Variants in SLC13A1 observed in about 807,000 individuals in gnomAD.
SLC13A1 encodes the protein solute carrier family 13 member 1.
A neutral mutation model predicts 70.0 loss-of-function variants in SLC13A1; 65 were observed. That is an observed-to-expected ratio of 0.93 (90% confidence interval 0.76 to 1.14). SLC13A1 has a LOEUF of 1.14. Among genes scored for constraint, SLC13A1 ranks in the 50% most tolerant of loss-of-function variants. SLC13A1 has a pLI of 0.00. For missense variants in SLC13A1, 726 were observed against 717.8 expected (o/e 1.01, Z -0.13); for synonymous variants, 275 against 250.5 (o/e 1.10, Z -0.92).
Position 123,113,630 on chromosome 7 carries a change from A to G in SLC13A1, c.*1888T>C, listed in dbSNP as rs944752109. 3 of 152,196 alleles carry G rather than the reference A, an allele frequency of 2.0e-5. No homozygotes were observed. Among genetic ancestry groups the G allele is most frequent in the African/African-American group, 7.2e-5 (3 of 41,458 alleles). 9.4% of individuals were successfully genotyped at this position (152,196 alleles called of 1,614,324 possible). A position where few individuals can be genotyped will look rare whatever the true frequency, so the allele number is the denominator to read the frequency against. ...AATTGAATGACTAGAAAAAAGCAGAAATGTAATAAATACTACAGATTATAA... is the reference window on the plus strand; with the variant it reads ...AATTGAATGACTAGAAAAAAGCAGAGATGTAATAAATACTACAGATTATAA... On this transcript the variant is annotated 3_prime_UTR_variant, in exon 15 of 15. Transcript: ENST00000194130.
chr7:123,178,033 C>CTCTCTCTCTCTCTCTCTCTATA (rs761704605), intron 2 of SLC13A1, among the ~76,000 whole-genome samples: 15 of 150,042 alleles, frequency 1.0e-4, no homozygotes, highest in African/African-American at 3.7e-4. Context: ...CTCTCTCTCT[C>CTCTCTCTCTCTCTCTCTCTATA]TATATATATA....
At chr7:123,182,160 T>C (rs1795661120) in intron 1 of SLC13A1, among the ~76,000 whole-genome samples, 1 of 152,198 alleles carries the variant, frequency 6.6e-6, no homozygotes, top group African/African-American at 2.4e-5. Flanking sequence ...TTCTACCATC[T>C]TGATAAACAA....
intron 2 of SLC13A1, among the ~76,000 whole-genome samples, chr7:123,172,855 A>C (rs1360583651): frequency 6.6e-6 from 1 of 152,118 alleles, no homozygotes; most frequent in Non-Finnish European, 1.5e-5. Flanking sequence ...ACATACTAGA[A>C]CTTTCTCTCC....
At chr7:123,183,857 T>A (rs1795713925) in intron 1 of SLC13A1, among the ~76,000 whole-genome samples, 1 of 152,194 alleles carries the variant, frequency 6.6e-6, no homozygotes, top group Non-Finnish European at 1.5e-5. Context: ...CCTGGATTCA[T>A]AACCCATTTG....
At chr7:123,129,655 C>CT (rs1793689017) in intron 8 of SLC13A1, among the ~76,000 whole-genome samples, 174 bp from the exon 9 acceptor site, 1 of 152,062 alleles carries the variant, frequency 6.6e-6, no homozygotes, top group Admixed American at 6.6e-5. Context: ...CCTCCACCTC[C>CT]TTTTTTGAAT....
chr7:123,114,449 ATTTGAT>A lies in SLC13A1; in HGVS notation c.*1063_*1068del, dbSNP rs1258029695. The stretch of plus-strand genomic sequence containing the variant: ...TTAAATGTTTAGTTTTTTCTTTTTG[ATTTGAT>A]TTTAAATCATTTATTTTTCTGTTTT... On this transcript the variant is annotated 3_prime_UTR_variant, in exon 15 of 15. Transcript: ENST00000194130. 6.6e-6 allele frequency: 1 copy of A among 151,580 alleles called. No individual in the cohort carries two copies. Among genetic ancestry groups the A allele is most frequent in the African/African-American group, 2.4e-5 (1 of 41,236 alleles). 9.4% of individuals were successfully genotyped at this position (151,580 alleles called of 1,614,324 possible).
chr7:123,181,112 C>T lies in SLC13A1; in HGVS notation c.100-11G>A. 2 of 1,609,108 alleles carry T rather than the reference C, an allele frequency of 1.2e-6. No individual in the cohort carries two copies. The highest frequency in any genetic ancestry group is 1.7e-6 in the Non-Finnish European group (2 of 1,177,312). ...GGCACATTCTGCTTCCTGGTAAGAACAAATGCAAAGCAAAAGGTGATATTA... is the reference window on the plus strand; with the variant it reads ...GGCACATTCTGCTTCCTGGTAAGAATAAATGCAAAGCAAAAGGTGATATTA... On this transcript the variant is annotated splice_polypyrimidine_tract_variant and intron_variant, in intron 1 of 14. Coordinates refer to ENST00000194130, the MANE Select transcript of SLC13A1 (RefSeq NM_022444.4).
chr7:123,135,358 T>C (rs544428858), intron 7 of SLC13A1, among the ~76,000 whole-genome samples: 1 of 152,282 alleles, frequency 6.6e-6, no homozygotes, highest in Non-Finnish European at 1.5e-5. Flanking sequence ...TCTTATATAG[T>C]CATTTATTTT....
chr7:123,167,377 C>A (rs1795111595), intron 6 of SLC13A1, among the ~76,000 whole-genome samples: 1 of 152,120 alleles, frequency 6.6e-6, no homozygotes, highest in Admixed American at 6.6e-5. Flanking sequence ...TATTCTGTAG[C>A]TAATGGCTTA....
chr7:123,146,108 C>T (rs1794340698), intron 7 of SLC13A1, among the ~76,000 whole-genome samples: 1 of 152,158 alleles, frequency 6.6e-6, no homozygotes, highest in Non-Finnish European at 1.5e-5. Context: ...ATGATACTTA[C>T]ATAGCGCAAA....
intron 4 of SLC13A1, 137 bp from the exon 5 acceptor site, chr7:123,168,698 C>G (rs1795154650): frequency 1.6e-6 from 1 of 626,578 alleles, no homozygotes. Flanking sequence ...TAACAGTCAT[C>G]TTATTTTATA....
chr7:123,151,479 C>T (rs1007329977), intron 6 of SLC13A1, among the ~76,000 whole-genome samples: 46 of 151,570 alleles, frequency 3.0e-4, no homozygotes, highest in Admixed American at 2.7e-3. Flanking sequence ...TTTTGTCAAA[C>T]CTAGTTTGTC....
intron 3 of SLC13A1, among the ~76,000 whole-genome samples, chr7:123,171,348 C>A (rs978239037): frequency 6.6e-6 from 1 of 152,112 alleles, no homozygotes; most frequent in Non-Finnish European, 1.5e-5. Flanking sequence ...TCAGTAATGT[C>A]TTTGTCTTTG....
intron 6 of SLC13A1, among the ~76,000 whole-genome samples, chr7:123,167,748 C>T (rs201898518): frequency 1.3e-5 from 2 of 152,102 alleles, no homozygotes; most frequent in East Asian, 3.9e-4. Flanking sequence ...TTGACAGAAG[C>T]AACTCATGAA....
intron 6 of SLC13A1, among the ~76,000 whole-genome samples, chr7:123,149,122 C>T (rs538188315): frequency 6.6e-6 from 1 of 152,186 alleles, no homozygotes; most frequent in South Asian, 2.1e-4. Context: ...ATGGTGTCTG[C>T]ATGTGATAGT....
intron 1 of SLC13A1, among the ~76,000 whole-genome samples, chr7:123,195,837 C>T (rs1283931199): frequency 6.6e-6 from 1 of 151,920 alleles, no homozygotes; most frequent in Admixed American, 6.6e-5. Flanking sequence ...TTCCTTGTCT[C>T]CTGATCTTAA....
intron 11 of SLC13A1, among the ~76,000 whole-genome samples, chr7:123,123,494 T>C (rs1225105547): frequency 6.6e-6 from 1 of 152,156 alleles, no homozygotes; most frequent in Non-Finnish European, 1.5e-5. Context: ...TATAACATTG[T>C]CACTTATAAT....
chr7:123,184,556 G>T (rs1374306564), intron 1 of SLC13A1, among the ~76,000 whole-genome samples: 1 of 151,684 alleles, frequency 6.6e-6, no homozygotes, highest in African/African-American at 2.4e-5. Context: ...TATCCTTCAG[G>T]TTCATACATG....
rs1159186044 is a variant in SLC13A1, at chr7:123,128,966, G to A, written c.1032-20C>T. 1 of 1,496,084 alleles carries A rather than the reference G, an allele frequency of 6.7e-7. No homozygotes were observed. Among genetic ancestry groups the A allele is most frequent in the South Asian group, 1.1e-5 (1 of 88,270 alleles). 92.7% of individuals were successfully genotyped at this position (1,496,084 alleles called of 1,614,324 possible). ...TGATACCTGTGGAAAAATTCCAATG[G>A]CATCACTTCTTATTTTCTCAGTCGG... On this transcript the variant is annotated intron_variant, in intron 9 of 14. Transcript: ENST00000194130.
Sources: allele counts gnomAD v4.1 joint callset (sites outside exome capture counted in the v4.1 genomes callset), GRCh38; gene constraint gnomAD v4.1.1; transcripts MANE v1.5; gene names NCBI Gene and HGNC (gene_info 2026-07-23, HGNC 2026-07-21).